Variants in DLC1 observed in about 807,000 individuals in gnomAD.
DLC1 encodes rho GTPase-activating protein 7.
A neutral mutation model predicts 140.3 loss-of-function variants in DLC1; 54 were observed. The observed-to-expected ratio is 0.38, with a 90% confidence interval of 0.31 to 0.48. The LOEUF is 0.48. DLC1 is among the 20% of genes least tolerant of loss of function. The pLI, the probability that DLC1 is intolerant of heterozygous loss-of-function variation, is 0.96. For missense variants in DLC1, 2,536 were observed against 1,907.0 expected, an observed-to-expected ratio of 1.33 and a Z score of -6.14; for synonymous variants, 986 against 728.1, an observed-to-expected ratio of 1.35 and a Z score of -5.70.
intron 5 of DLC1, among the ~76,000 whole-genome samples, chr8:13,238,957 C>T (rs1490011659): frequency 1.3e-5 from 2 of 152,106 alleles, no homozygotes; most frequent in Admixed American, 6.6e-5. Flanking sequence ...GTGCACAGTC[C>T]CTGGCGTCAG....
intron 1 of DLC1, among the ~76,000 whole-genome samples, chr8:13,554,571 A>G (rs1281041036): frequency 2.6e-5 from 4 of 152,076 alleles, no homozygotes; most frequent in Admixed American, 6.5e-5. Flanking sequence ...TGGTGACTCA[A>G]TCCTTTCAGT....
In DLC1 at chr8:13,419,626, T is replaced by C. The variant is rs184925777; in HGVS notation, c.1024-18007A>G. On this transcript the variant is annotated intron_variant, in intron 2 of 17. Coordinates refer to ENST00000276297, the MANE Select transcript of DLC1 (RefSeq NM_182643.3). ...TGCATTCTGTTTGCCAGTATTTTAT[T>C]GAGGATTTTTGCATCAGTGTTCACC... Among the ~76,000 whole-genome samples, 156 of 152,342 alleles carry C rather than the reference T, an allele frequency of 1.0e-3. 1 individual carries two copies. The highest frequency in any genetic ancestry group is 3.6e-3 in the African/African-American group (149 of 41,574).
chr8:13,237,502 T>A lies in DLC1; in HGVS notation c.1348+67767A>T, dbSNP rs189448577. On this transcript the variant is annotated intron_variant, in intron 5 of 17. Transcript: ENST00000276297. Reference sequence around the variant, plus strand: ...CAATAGTTTTTGAGGTACAGGTAGTTTTTGGTTGCATGGATGGCTTCTTTA... The same window carrying A: ...CAATAGTTTTTGAGGTACAGGTAGTATTTGGTTGCATGGATGGCTTCTTTA... Among the ~76,000 whole-genome samples, 536 of 152,050 alleles carry A rather than the reference T, an allele frequency of 3.5e-3. 2 individuals are homozygous for A. The highest frequency in any genetic ancestry group is 6.5e-3 in the Non-Finnish European group (444 of 68,002).
intron 5 of DLC1, among the ~76,000 whole-genome samples, chr8:13,229,445 T>G (rs1412744226): frequency 6.6e-6 from 1 of 152,052 alleles, no homozygotes; most frequent in Non-Finnish European, 1.5e-5. Flanking sequence ...GGGGTAGTTT[T>G]GGGGAAAATG....
At position 13,099,549 on chromosome 8, in the gene DLC1, C is replaced by A; in HGVS notation, c.2788G>T (p.Glu930Ter). 1 of 1,614,178 alleles carries A rather than the reference C, an allele frequency of 6.2e-7. No homozygotes were observed. Among genetic ancestry groups the A allele is most frequent in the East Asian group, 2.2e-5 (1 of 44,876 alleles). The change falls in exon 9 of 18, where the codon GAG (glutamate) becomes TAG (stop). Residue 930 changes from glutamate to a stop codon, truncating the protein, a stop_gained. Coordinates refer to ENST00000276297, the MANE Select transcript of DLC1 (RefSeq NM_182643.3). LOFTEE classifies it high-confidence loss of function. ...VNQWSEKFSDEGDSDSALDSV... is the reference protein window; with the variant it reads ...VNQWSEKFSD Reference sequence around the variant, plus strand: ...TCCAGGGCTGAGTCCGAATCTCCCTCATCAGAAAACTTCTCCGACCACTGA... The same window carrying A: ...TCCAGGGCTGAGTCCGAATCTCCCTAATCAGAAAACTTCTCCGACCACTGA...
chr8:13,554,167 C>T (rs532265118), intron 1 of DLC1, among the ~76,000 whole-genome samples: 16 of 152,036 alleles, frequency 1.1e-4, no homozygotes, highest in African/African-American at 3.4e-4. Context: ...CCTGAGTTCA[C>T]GCCATTCTCC....
At chr8:13,108,300 G>C (rs1819766765) in intron 7 of DLC1, among the ~76,000 whole-genome samples, 1 of 152,016 alleles carries the variant, frequency 6.6e-6, no homozygotes, top group African/African-American at 2.4e-5. Context: ...ACTCAAATTG[G>C]GGCCTGATAA....
intron 2 of DLC1, among the ~76,000 whole-genome samples, chr8:13,497,088 C>A (rs1412136955): frequency 6.6e-6 from 1 of 152,110 alleles, no homozygotes; most frequent in African/African-American, 2.4e-5. Flanking sequence ...GCATGAGACA[C>A]CGCGCCTGGC....
In DLC1 at chr8:13,555,871, G is replaced by C. The variant is rs891352622; in HGVS notation, c.-126+48666C>G. On this transcript the variant is annotated intron_variant, in intron 1 of 1. Transcript: ENST00000631382. ...AAGTTTATTTTTGTTACATATTAAT[G>C]GTGCATACATAGGGTTTCATCACAT... 2.0e-5 allele frequency among the ~76,000 whole-genome samples: 3 copies of C among 151,672 alleles called. No homozygotes were observed. The East Asian group carries it at 5.8e-4, about 29-fold the overall frequency.
At chr8:13,526,060 A>C (rs781605662) in intron 1 of DLC1, among the ~76,000 whole-genome samples, 3 of 152,178 alleles carry the variant, frequency 2.0e-5, no homozygotes, top group Non-Finnish European at 2.9e-5. Context: ...TTGTTCCAAA[A>C]CCATTTGTGA....
At chr8:13,188,819 ATATATAT>A (rs1826554413) in intron 5 of DLC1, among the ~76,000 whole-genome samples, 1 of 105,256 alleles carries the variant, frequency 9.5e-6, no homozygotes, top group Non-Finnish European at 1.8e-5. Context: ...ATATATATAT[ATATATAT>A]GTATATATAT....
chr8:13,292,695 A>T (rs6980565), intron 5 of DLC1, among the ~76,000 whole-genome samples: 1,821 of 152,248 alleles, frequency 0.012, 34 homozygotes, highest in African/African-American at 0.042. Flanking sequence ...TAAATAGAAA[A>T]ATGCTAAGTG....
At chr8:13,587,355 T>C (rs1254419613) in intron 1 of DLC1, among the ~76,000 whole-genome samples, 1 of 151,830 alleles carries the variant, frequency 6.6e-6, no homozygotes, top group Non-Finnish European at 1.5e-5. Flanking sequence ...ACCTCCTCCA[T>C]CTGGAACTTT....
intron 5 of DLC1, among the ~76,000 whole-genome samples, chr8:13,192,171 G>A (rs534959758): frequency 5.3e-5 from 8 of 151,828 alleles, no homozygotes; most frequent in African/African-American, 1.7e-4. Context: ...GGCTGGTCTC[G>A]AACTCCTGAC....
At chr8:13,589,785 G>A (rs1241539572) in intron 1 of DLC1, among the ~76,000 whole-genome samples, 1 of 149,268 alleles carries the variant, frequency 6.7e-6, no homozygotes, top group Non-Finnish European at 1.5e-5. Context: ...TTAATTTAAA[G>A]AATTTTAAAA....
intron 5 of DLC1, among the ~76,000 whole-genome samples, chr8:13,203,761 A>T (rs1827517215): frequency 6.6e-6 from 1 of 152,216 alleles, no homozygotes; most frequent in Non-Finnish European, 1.5e-5. Flanking sequence ...GCTTTGTGAT[A>T]TGATTCTTGT....
chr8:13,302,494 C>A (rs944070684), intron 5 of DLC1, among the ~76,000 whole-genome samples: 1 of 152,042 alleles, frequency 6.6e-6, no homozygotes, highest in African/African-American at 2.4e-5. Flanking sequence ...ATCATAGCAA[C>A]GTGGATCAGA....
At chr8:13,098,994 G>C (rs1024636444) in intron 9 of DLC1, among the ~76,000 whole-genome samples, 1 of 148,626 alleles carries the variant, frequency 6.7e-6, no homozygotes, top group Non-Finnish European at 1.5e-5. Flanking sequence ...GATAGGACTT[G>C]ATTTCTATCC....
At chr8:13,195,629 A>G (rs944914816) in intron 5 of DLC1, among the ~76,000 whole-genome samples, 16 of 152,238 alleles carry the variant, frequency 1.1e-4, no homozygotes, top group Non-Finnish European at 5.9e-5. Flanking sequence ...GTGTAACCTC[A>G]AAGTATTAAA....
Sources: gnomAD v4.1 joint callset for allele counts (sites outside exome capture counted in the v4.1 genomes callset) on GRCh38, gnomAD v4.1.1 for gene constraint, MANE v1.5 for transcripts, NCBI Gene and HGNC (gene_info 2026-07-23, HGNC 2026-07-21) for gene names.